The following SIAE variants were observed in gnomAD, a reference collection of about 807,000 sequenced individuals.
SIAE encodes the protein sialate O-acetylesterase.
A neutral mutation model predicts 52.6 loss-of-function variants in SIAE; 39 were observed. The observed-to-expected ratio is 0.74, with a 90% CI of 0.57 to 0.97. The LOEUF (loss-of-function observed/expected upper bound fraction) is 0.97. SIAE is among the 50% of genes least tolerant of loss of function. The probability of loss-of-function intolerance (pLI) is 0.00; values close to 1 mark genes in which losing one functional copy is unlikely to be tolerated. For synonymous variants in SIAE, 233 were observed against 241.4 expected, an observed-to-expected ratio of 0.97 and a Z score of 0.32; for missense variants, 592 against 662.1, an observed-to-expected ratio of 0.89 and a Z score of 1.16.
upstream of SIAE, chr11:124,673,869 T>G (rs960764698): frequency 2.6e-5 from 18 of 692,588 alleles, no homozygotes; most frequent in African/African-American, 3.0e-4. Flanking sequence ...CGCCGTAGTT[T>G]TTTTTTTTTT....
chr11:124,643,197 G>A (rs900157378), intron 7 of SIAE, among the ~76,000 whole-genome samples: 3 of 152,182 alleles, frequency 2.0e-5, no homozygotes, highest in African/African-American at 4.8e-5. Context: ...AAAATGGCAG[G>A]CCCCAGGACG....
chr11:124,638,080 A>G (rs2134350930), intron 9 of SIAE, among the ~76,000 whole-genome samples: 1 of 152,310 alleles, frequency 6.6e-6, no homozygotes, highest in Middle Eastern at 3.4e-3. Flanking sequence ...GACTCTCATT[A>G]TATTGTCACA....
At position 124,664,326 on chromosome 11, in the gene SIAE, G is replaced by A. The variant is rs1471229853; in HGVS notation, c.230-3523C>T. Among the ~76,000 whole-genome samples, 7 of 151,920 alleles carry A rather than the reference G, an allele frequency of 4.6e-5. No individual in the cohort carries two copies. In the East Asian group the frequency reaches 1.2e-3, roughly 25 times the overall value. On this transcript the variant is annotated intron_variant, in intron 2 of 9. Transcript: ENST00000263593. The stretch of plus-strand genomic sequence containing the variant: ...GGCTCACTGCAACCTCTGCCTCCCG[G>A]GTTCAAGCAATTCTCCTGCCTCAGC...
chr11:124,647,888 T>A (rs968189821), intron 6 of SIAE, among the ~76,000 whole-genome samples, 178 bp downstream of exon 6: 3 of 151,948 alleles, frequency 2.0e-5, no homozygotes, highest in Non-Finnish European at 4.4e-5. Flanking sequence ...ACATAAGAGG[T>A]CCCAGCAGGA....
Position 124,670,828 on chromosome 11 carries a change from T to C in SIAE, c.68-1307A>G, listed in dbSNP as rs1443130694. 6.6e-6 allele frequency among the ~76,000 whole-genome samples: 1 copy of C among 152,230 alleles called. No individual in the cohort carries two copies. Among genetic ancestry groups the C allele is most frequent in the Non-Finnish European group, 1.5e-5 (1 of 68,040 alleles). On this transcript the variant is annotated intron_variant, in intron 1 of 9. Coordinates refer to ENST00000263593, the MANE Select transcript of SIAE (RefSeq NM_170601.5). The surrounding 1 kb of genome is among the most constrained non-coding windows in gnomAD (Gnocchi z 4.5). ...CCCAGAAGGCCTACTGGGCTGGAGA[T>C]GCACGGTTACCATGAGCAAAATGCT...
intron 9 of SIAE, 137 bp downstream of exon 9, chr11:124,638,405 G>T (rs1942786184): frequency 2.3e-6 from 2 of 873,394 alleles, no homozygotes; most frequent in South Asian, 2.9e-5. Flanking sequence ...CTGTTTATTT[G>T]CAGCTCTGAA....
intron 3 of SIAE, 178 bp downstream of exon 3, chr11:124,660,450 T>A: frequency 1.4e-6 from 1 of 703,632 alleles, no homozygotes; most frequent in South Asian, 1.5e-5. Context: ...CAATAGCTTA[T>A]CTCTTAAGAT....
chr11:124,673,238 G>A (rs1474989834), intron 1 of SIAE, among the ~76,000 whole-genome samples: 2 of 152,120 alleles, frequency 1.3e-5, no homozygotes, highest in Non-Finnish European at 2.9e-5. Flanking sequence ...CCACTGAGGG[G>A]GTAGCGCTGA....
chr11:124,673,928 C>CG, upstream of SIAE: 1 of 586,758 alleles, frequency 1.7e-6, no homozygotes, highest in Non-Finnish European at 3.0e-6. Context: ...CCGGAACCGG[C>CG]GGCACCAGCT....
At chr11:124,657,550 C>T (rs1943120914) in intron 3 of SIAE, among the ~76,000 whole-genome samples, 2 of 152,242 alleles carry the variant, frequency 1.3e-5, no homozygotes, top group Admixed American at 1.3e-4. Context: ...GTTGCTAACA[C>T]TGTAGAGTAC....
At chr11:124,652,640 G>A (rs1271826098) in intron 4 of SIAE, among the ~76,000 whole-genome samples, 1 of 148,104 alleles carries the variant, frequency 6.8e-6, no homozygotes, top group South Asian at 2.1e-4. Context: ...GTTGCAGTGA[G>A]CCAAGATCAC....
At position 124,660,768 on chromosome 11, in the gene SIAE, T is replaced by C. The variant is rs78778622; in HGVS notation, c.265A>G (p.Met89Val). The change falls in exon 3 of 10, where the codon ATG (methionine) becomes GTG (valine). Residue 89 changes from methionine (M) to valine (V), a missense_variant. Physicochemically the swap from Met to Val is conservative, Grantham distance 21. Coordinates refer to ENST00000263593, the MANE Select transcript of SIAE (RefSeq NM_170601.5). ...ACTTCGAAAGGTCCTCCAGGCTTCA[T>C]AGGATCCAGTACCACCATCCACGTA... ...SDTWMVVLDP[M>V]KPGGPFEVMA... 80,308 of 1,614,108 alleles carry C rather than the reference T, an allele frequency of 0.05. 2,336 individuals are homozygous for C. Among genetic ancestry groups the C allele is most frequent in the Non-Finnish European group, 0.058 (68,477 of 1,179,954 alleles).
intron 8 of SIAE, 123 bp from the exon 9 acceptor site, chr11:124,638,860 T>C: frequency 1.3e-6 from 1 of 768,030 alleles, no homozygotes; most frequent in Non-Finnish European, 2.2e-6. Context: ...CTGAACTCTG[T>C]GATCAGTGGC....
chr11:124,643,938 TCA>T (rs550922383), intron 7 of SIAE, among the ~76,000 whole-genome samples: 4 of 152,066 alleles, frequency 2.6e-5, no homozygotes, highest in Non-Finnish European at 5.9e-5. Flanking sequence ...GCCTTATTAC[TCA>T]CAGCCCAGAA....
chr11:124,669,444 C>A lies in SIAE; in HGVS notation c.145G>T (p.Gly49Cys). 1 of 1,614,132 alleles carries A rather than the reference C, an allele frequency of 6.2e-7. No individual in the cohort carries two copies. Among genetic ancestry groups the A allele is most frequent in the African/African-American group, 1.3e-5 (1 of 75,020 alleles). ...ACTGTGGCTCCAGGTGTACCGAAGC[C>A]CCATATCACTGCCCCAGCAGGCTCC... ...QKEPAGAVIW[G>C]FGTPGATVTV... Residue 49 changes from glycine (G) to cysteine (C), a missense_variant, in exon 2 of 10, where the codon GGC becomes TGC. Physicochemically the swap from Gly to Cys is radical, Grantham distance 159. Transcript: ENST00000263593.
chr11:124,672,778 G>C (rs1314094161), intron 1 of SIAE, among the ~76,000 whole-genome samples: 1 of 152,110 alleles, frequency 6.6e-6, no homozygotes, highest in Non-Finnish European at 1.5e-5. Context: ...TCTGAATCTA[G>C]GTACTTTTCC....
In SIAE at chr11:124,634,782, C is replaced by CA. The variant is rs1225423810; in HGVS notation, c.*2168dup. 6 of 152,198 alleles carry CA rather than the reference C, an allele frequency of 3.9e-5. No individual in the cohort carries two copies. In the East Asian group the frequency reaches 7.7e-4, roughly 20 times the overall value. 9.4% of individuals were successfully genotyped at this position (152,198 alleles called of 1,614,324 possible). ...TGGTAAAGTAAGTAAGTCAAAAACA[C>CA]AGATTACAAAATAATATGTACTGTA... On this transcript the variant is annotated 3_prime_UTR_variant, in exon 10 of 10. Transcript: ENST00000263593.
chr11:124,651,178 G>C (rs978539457), intron 4 of SIAE, among the ~76,000 whole-genome samples: 3 of 152,158 alleles, frequency 2.0e-5, no homozygotes, highest in Admixed American at 2.0e-4. Flanking sequence ...GGAACTACTA[G>C]ATGGATGGGA....
chr11:124,668,126 G>C (rs1454606725), intron 2 of SIAE, among the ~76,000 whole-genome samples: 1 of 152,110 alleles, frequency 6.6e-6, no homozygotes. Context: ...CCTATCTCCT[G>C]TCATCTGCCC....
Sources: allele counts gnomAD v4.1 joint callset (sites outside exome capture counted in the v4.1 genomes callset), GRCh38; gene constraint gnomAD v4.1.1; non-coding constraint Gnocchi (gnomAD v3.1); transcripts MANE v1.5; gene names NCBI Gene and HGNC (gene_info 2026-07-23, HGNC 2026-07-21).